ALK: variants seen among roughly 807,000 people sequenced by gnomAD.
ALK encodes ALK receptor tyrosine kinase.
Under a neutral mutation model 163.1 loss-of-function variants are expected in ALK, and 74 were observed. The ratio of observed to expected loss-of-function variants is 0.45; its 90% CI spans 0.38 to 0.55. The LOEUF (loss-of-function observed/expected upper bound fraction) is 0.55. Among genes scored for constraint, ALK ranks in the 20% least tolerant of loss-of-function variants. ALK has a pLI of 0.00. For synonymous variants in ALK, 960 were observed against 843.2 expected (o/e 1.14, Z -2.40); for missense variants, 2,063 against 2,105.3 (o/e 0.98, Z 0.39).
chr2:29,199,817 T>G (rs1403683875), intron 26 of ALK, among the ~76,000 whole-genome samples: 4 of 152,240 alleles, frequency 2.6e-5, no homozygotes, highest in African/African-American at 9.6e-5. Context: ...ATCAGCTTTT[T>G]GACAAAGACT....
At chr2:29,733,421 T>C (rs1174973639) in intron 1 of ALK, among the ~76,000 whole-genome samples, 1 of 152,190 alleles carries the variant, frequency 6.6e-6, no homozygotes, top group Non-Finnish European at 1.5e-5. Context: ...GTTGAGATCA[T>C]GGGTTTAGAT....
intron 4 of ALK, among the ~76,000 whole-genome samples, chr2:29,527,494 G>C (rs1319519593): frequency 6.6e-6 from 1 of 152,008 alleles, no homozygotes; most frequent in Non-Finnish European, 1.5e-5. Context: ...TTTGCCACGA[G>C]CAGGCAGTTT....
At chr2:29,914,502 T>C (rs1488639111) in intron 1 of ALK, among the ~76,000 whole-genome samples, 1 of 152,182 alleles carries the variant, frequency 6.6e-6, no homozygotes, top group Admixed American at 6.5e-5. Context: ...TGCTATTATA[T>C]AAAAAAACAA....
intron 4 of ALK, among the ~76,000 whole-genome samples, chr2:29,443,470 C>A (rs943826130): frequency 2.6e-5 from 4 of 152,192 alleles, no homozygotes; most frequent in African/African-American, 9.7e-5. Flanking sequence ...GCCACCGAGT[C>A]TTTCTTTGGT....
intron 2 of ALK, among the ~76,000 whole-genome samples, chr2:29,705,240 A>AATATATATATATATAT (rs1172702963): frequency 3.2e-4 from 15 of 47,144 alleles, no homozygotes; most frequent in Admixed American, 2.1e-3. Context: ...AAAGAAAAGA[A>AATATATATATATATAT]ATATATATAT....
chr2:29,724,022 A>G (rs1395661098), intron 1 of ALK, among the ~76,000 whole-genome samples: 2 of 152,174 alleles, frequency 1.3e-5, no homozygotes, highest in African/African-American at 4.8e-5. Context: ...GTCTCACTGC[A>G]TGTCTATTTA....
intron 1 of ALK, among the ~76,000 whole-genome samples, chr2:29,728,160 T>G (rs1679627990): frequency 6.6e-6 from 1 of 152,232 alleles, no homozygotes; most frequent in African/African-American, 2.4e-5. Flanking sequence ...ATACTTCATG[T>G]GTGCCTATTA....
intron 1 of ALK, among the ~76,000 whole-genome samples, chr2:29,882,500 C>G (rs1191982249): frequency 6.6e-6 from 1 of 152,128 alleles, no homozygotes; most frequent in Non-Finnish European, 1.5e-5. Context: ...TCAAGACCAG[C>G]CTGGCCAACA....
At chr2:29,830,385 C>T (rs1665333481) in intron 1 of ALK, among the ~76,000 whole-genome samples, 1 of 152,110 alleles carries the variant, frequency 6.6e-6, no homozygotes, top group African/African-American at 2.4e-5. Context: ...CACTGACCAC[C>T]ATCACCTTTC....
intron 11 of ALK, among the ~76,000 whole-genome samples, chr2:29,264,258 A>T (rs2148207564): frequency 6.6e-6 from 1 of 152,338 alleles, no homozygotes; most frequent in African/African-American, 2.4e-5. Flanking sequence ...GAAGGCCTTG[A>T]AGATTTCCCT....
At chr2:29,782,340 TG>T (rs1285400241) in intron 1 of ALK, among the ~76,000 whole-genome samples, 1 of 152,158 alleles carries the variant, frequency 6.6e-6, no homozygotes, top group African/African-American at 2.4e-5. Context: ...AGTTTCTTCA[TG>T]GGACTCCATC....
chr2:29,812,567 G>C lies in ALK; in HGVS notation c.668-94870C>G, dbSNP rs147938106. On this transcript the variant is annotated intron_variant, in intron 1 of 28. Coordinates refer to ENST00000389048, the MANE Select transcript of ALK (RefSeq NM_004304.5). ...CATACATATAAAAAATTCCCTTCCT[G>C]TTTTTAAATGATGGGGTTTCAGATT... Among the ~76,000 whole-genome samples, 461 of 152,210 alleles carry C rather than the reference G, an allele frequency of 3.0e-3. 2 individuals carry two copies. Among genetic ancestry groups the C allele is most frequent in the Non-Finnish European group, 5.0e-3 (342 of 67,986 alleles).
chr2:29,694,902 C>A lies in ALK; in HGVS notation c.900G>T (p.Gln300His), dbSNP rs1233069820. The A allele has an allele frequency of 6.2e-7, 1 of 1,614,028 alleles. No homozygotes were observed. The highest frequency in any genetic ancestry group is 8.5e-7 in the Non-Finnish European group (1 of 1,180,008). Residue 300 changes from glutamine to histidine, a missense_variant, in exon 3 of 29, where the codon CAG (glutamine) becomes CAT (histidine). Gln to His is a conservative substitution (Grantham distance 24). This residue lies in a region of ALK where 987 missense variants were observed against 939.5 expected (regional missense o/e 1.05). Coordinates refer to ENST00000389048, the MANE Select transcript of ALK (RefSeq NM_004304.5). The part of the protein sequence containing the change: ...WRRIPSEEAS[Q>H]MDLLDGPGAE... The stretch of plus-strand genomic sequence containing the variant: ...CCCCAGGCCCATCCAGCAAGTCCAT[C>A]TGGGAGGCCTCCTCGGAGGGGATGC...
intron 13 of ALK, among the ~76,000 whole-genome samples, chr2:29,235,420 A>T (rs77242587): frequency 1.3e-5 from 2 of 151,902 alleles, no homozygotes; most frequent in Non-Finnish European, 2.9e-5. Context: ...TGTTTCATGG[A>T]ATTTTGGATT....
intron 3 of ALK, among the ~76,000 whole-genome samples, chr2:29,648,607 T>C (rs190969133): frequency 6.6e-6 from 1 of 152,166 alleles, no homozygotes; most frequent in East Asian, 1.9e-4. Context: ...TCATACAGTA[T>C]TTGTCCTTTT....
chr2:29,375,302 T>C (rs1472817419), intron 5 of ALK, among the ~76,000 whole-genome samples: 2 of 110,766 alleles, frequency 1.8e-5, no homozygotes, highest in African/African-American at 5.6e-5. Context: ...GTTATCCCTA[T>C]TTTATTTTAT....
rs148596817 is a variant in ALK, at chr2:29,324,719, G to A, written c.1414+3631C>T. 1.0e-3 allele frequency among the ~76,000 whole-genome samples: 152 copies of A among 152,310 alleles called. 1 individual carries two copies. Among genetic ancestry groups the A allele is most frequent in the Middle Eastern group, 6.8e-3 (2 of 292 alleles). ...TGCCATCGAGGCCATTGGTCAGAAC[G>A]CAGAGAGAGTCACGAAGACCCCCTT... On this transcript the variant is annotated intron_variant, in intron 6 of 28. Coordinates refer to ENST00000389048, the MANE Select transcript of ALK (RefSeq NM_004304.5).
At chr2:29,200,982 C>T (rs1342496596) in intron 26 of ALK, among the ~76,000 whole-genome samples, 1 of 150,934 alleles carries the variant, frequency 6.6e-6, no homozygotes, top group Non-Finnish European at 1.5e-5. Flanking sequence ...ACATTTGAAT[C>T]GATGAAGATA....
chr2:29,591,357 T>A (rs1675052723), intron 3 of ALK, among the ~76,000 whole-genome samples: 1 of 152,168 alleles, frequency 6.6e-6, no homozygotes, highest in Admixed American at 6.5e-5. Context: ...GAATTTGGGA[T>A]CTTAAAGACT....
Sources: allele counts gnomAD v4.1 joint callset (sites outside exome capture counted in the v4.1 genomes callset), GRCh38; gene constraint gnomAD v4.1.1; regional missense constraint gnomAD v4.1.1; transcripts MANE v1.5; gene names NCBI Gene and HGNC (gene_info 2026-07-23, HGNC 2026-07-21).